CAV1: variants seen among roughly 807,000 people sequenced by gnomAD.
CAV1 encodes the protein caveolin-1.
In CAV1, 10 loss-of-function variants were observed where a neutral mutation model predicts 16.5. The observed-to-expected ratio is 0.61, with a 90% confidence interval of 0.37 to 1.03. The LOEUF (loss-of-function observed/expected upper bound fraction) is 1.03, where lower values mean the gene tolerates loss of function less well. Among genes scored for constraint, CAV1 ranks in the 50% least tolerant of loss-of-function variants. CAV1 has a pLI of 0.01. For synonymous variants in CAV1, 76 were observed against 85.1 expected, an observed-to-expected ratio of 0.89 and a Z score of 0.59; for missense variants, 212 against 232.8, an observed-to-expected ratio of 0.91 and a Z score of 0.58.
intron 2 of CAV1, among the ~76,000 whole-genome samples, chr7:116,540,058 C>T (rs951414454): frequency 4.6e-5 from 7 of 152,170 alleles, no homozygotes; most frequent in Admixed American, 1.3e-4. Flanking sequence ...TTTGAGAAAC[C>T]GAAGCCTCTG....
intron 2 of CAV1, among the ~76,000 whole-genome samples, chr7:116,532,091 A>T (rs1350031701): frequency 1.3e-5 from 2 of 152,318 alleles, no homozygotes; most frequent in Admixed American, 6.5e-5. Context: ...ACATGATTTC[A>T]TATTATTTAT....
chr7:116,548,788 T>C (rs1584780924), intron 2 of CAV1, among the ~76,000 whole-genome samples: 1 of 152,038 alleles, frequency 6.6e-6, no homozygotes, highest in Non-Finnish European at 1.5e-5. Flanking sequence ...ATCTGTAAAA[T>C]GGGGGGAAAT....
At chr7:116,531,495 A>G (rs1391163148) in intron 2 of CAV1, among the ~76,000 whole-genome samples, 3 of 152,258 alleles carry the variant, frequency 2.0e-5, no homozygotes, top group African/African-American at 7.2e-5. Context: ...ACTTGAAAGC[A>G]TTCTAGAGCA....
chr7:116,545,155 C>T (rs1020152309), intron 2 of CAV1, among the ~76,000 whole-genome samples: 3 of 152,098 alleles, frequency 2.0e-5, no homozygotes, highest in Non-Finnish European at 4.4e-5. Context: ...GTTTTTCTTC[C>T]CTTCCAGGGG....
At chr7:116,539,674 T>C (rs1793897748) in intron 2 of CAV1, among the ~76,000 whole-genome samples, 1 of 152,232 alleles carries the variant, frequency 6.6e-6, no homozygotes, top group Non-Finnish European at 1.5e-5. Flanking sequence ...TTTTTTTAAG[T>C]CTCCAGGTTG....
chr7:116,538,475 C>T (rs895241437), intron 2 of CAV1, among the ~76,000 whole-genome samples: 4 of 152,196 alleles, frequency 2.6e-5, no homozygotes, highest in South Asian at 2.1e-4. Flanking sequence ...AGTGGAATTG[C>T]GTTCATTAGA....
chr7:116,535,109 C>T (rs1056551018), intron 2 of CAV1, among the ~76,000 whole-genome samples: 2 of 152,136 alleles, frequency 1.3e-5, no homozygotes, highest in Admixed American at 6.5e-5. Context: ...ACAGACTAGC[C>T]AGCACTACTC....
At chr7:116,546,697 C>CAAAAAAAAAAAAAAAAAAAA (rs5886830) in intron 2 of CAV1, among the ~76,000 whole-genome samples, 934 of 88,216 alleles carry the variant, frequency 0.011, 36 homozygotes, top group East Asian at 0.015. Flanking sequence ...GACTCTGTCA[C>CAAAAAAAAAAAAAAAAAAAA]AAAAAAAAAA....
chr7:116,525,170 G>A, intron 1 of CAV1, 78 bp downstream of exon 1: 1 of 1,613,764 alleles, frequency 6.2e-7, no homozygotes, highest in Non-Finnish European at 8.5e-7. Flanking sequence ...CAAATATCCC[G>A]ACTGCTGCCC....
intron 2 of CAV1, among the ~76,000 whole-genome samples, chr7:116,550,629 T>C (rs1268728155): frequency 1.3e-5 from 2 of 152,166 alleles, no homozygotes; most frequent in African/African-American, 4.8e-5. Context: ...ACACACAACA[T>C]TTATTCCACT....
Position 116,530,114 on chromosome 7 carries a change from G to A in CAV1, c.195+3425G>A, listed in dbSNP as rs112223088. Reference sequence around the variant, plus strand: ...TCACAAAGATTACAGTTAGTGAGACGACATGCACACAGGTAAAAAGTGTTT... The same window carrying A: ...TCACAAAGATTACAGTTAGTGAGACAACATGCACACAGGTAAAAAGTGTTT... On this transcript the variant is annotated intron_variant, in intron 2 of 2. Transcript: ENST00000341049. Among the ~76,000 whole-genome samples the A allele has an allele frequency of 7.2e-3, 1,082 of 150,960 alleles. 10 individuals carry two copies. Among genetic ancestry groups the A allele is most frequent in the South Asian group, 0.018 (88 of 4,782 alleles).
In CAV1 at chr7:116,560,580, G is replaced by A. The variant is rs1794390683; in HGVS notation, c.*1293G>A. The stretch of plus-strand genomic sequence containing the variant: ...GGGAGGAGGCAGTAATAAAAAGATT[G>A]AAGTATTTTGCTGGAATAAGTTCAA... On this transcript the variant is annotated 3_prime_UTR_variant, in exon 3 of 3. Transcript: ENST00000341049. The A allele has an allele frequency of 6.6e-6, 1 of 152,352 alleles. No homozygotes were observed. The allele number at this position is 152,352 out of a possible 1,614,324, so 9.4% of individuals were successfully genotyped here.
intron 2 of CAV1, 148 bp from the exon 3 acceptor site, chr7:116,558,798 A>G: frequency 1.5e-6 from 1 of 667,374 alleles, no homozygotes; most frequent in Non-Finnish European, 2.7e-6. Flanking sequence ...GTTCCAAGTG[A>G]TGCTGATGCT....
chr7:116,525,665 T>C (rs1793541930), intron 1 of CAV1: 3 of 1,088,420 alleles, frequency 2.8e-6, no homozygotes, highest in Non-Finnish European at 3.4e-6. Context: ...CTCCCCAAAC[T>C]GCCACCATCA....
chr7:116,557,718 TTTCTTTTTTTTA>T (rs1405634159), intron 2 of CAV1, among the ~76,000 whole-genome samples: 2 of 152,086 alleles, frequency 1.3e-5, no homozygotes, highest in African/African-American at 4.8e-5. Flanking sequence ...CTTCTTTTCT[TTTCTTTTTTTTA>T]TGACCACCTT....
chr7:116,537,234 T>C (rs1793839666), intron 2 of CAV1, among the ~76,000 whole-genome samples: 1 of 152,180 alleles, frequency 6.6e-6, no homozygotes, highest in East Asian at 1.9e-4. Flanking sequence ...CACAGTAATT[T>C]AAAAGTGAAG....
chr7:116,541,587 C>CA (rs373439990), intron 2 of CAV1, among the ~76,000 whole-genome samples: 18 of 151,702 alleles, frequency 1.2e-4, no homozygotes, highest in African/African-American at 4.4e-4. Flanking sequence ...CTCATGTCTA[C>CA]AAAAAAATAC....
intron 2 of CAV1, among the ~76,000 whole-genome samples, chr7:116,546,527 TA>T (rs902821540): frequency 5.6e-5 from 8 of 142,018 alleles, no homozygotes; most frequent in African/African-American, 2.2e-4. Context: ...CTGCCTCTAC[TA>T]AAAATAAAAA....
At chr7:116,550,710 A>C (rs942116282) in intron 2 of CAV1, among the ~76,000 whole-genome samples, 2 of 152,104 alleles carry the variant, frequency 1.3e-5, no homozygotes, top group African/African-American at 4.8e-5. Flanking sequence ...ATTGGTCTAA[A>C]CTCTGTATAA....
Sources: allele counts gnomAD v4.1 joint callset (sites outside exome capture counted in the v4.1 genomes callset), GRCh38; gene constraint gnomAD v4.1.1; transcripts MANE v1.5; gene names NCBI Gene and HGNC (gene_info 2026-07-23, HGNC 2026-07-21).